Variants in MUC17 observed in about 807,000 individuals in gnomAD.
MUC17 encodes the protein mucin 17, cell surface associated.
MUC17 carries 190 observed loss-of-function variants against 170.3 expected under a neutral mutation model. The ratio of observed to expected loss-of-function variants is 1.12; its 90% CI spans 0.99 to 1.26. The LOEUF is 1.26. Among genes scored for constraint, MUC17 ranks in the 50% most tolerant of loss-of-function variants. MUC17 has a pLI of 0.00. For missense variants in MUC17, 6,415 were observed against 5,530.0 expected (o/e 1.16, Z -5.08); for synonymous variants, 2,325 against 2,002.5 (o/e 1.16, Z -4.30).
Position 101,043,670 on chromosome 7 carries a change from A to AC in MUC17, c.12257dup (p.Glu4087Ter). Reference sequence around the variant, plus strand: ...ACCTCTGCCTCCTCCACGACTGTGAACCCTGAGGCTGTCACCACCATGACC... The same window carrying AC: ...ACCTCTGCCTCCTCCACGACTGTGAACCCCTGAGGCTGTCACCACCATGACC... On this transcript the variant is annotated frameshift_variant, in exon 3 of 13. Coordinates refer to ENST00000306151, the MANE Select transcript of MUC17 (RefSeq NM_001040105.2). LOFTEE classifies it high-confidence loss of function. The AC allele has an allele frequency of 4.3e-6, 7 of 1,614,036 alleles. No individual in the cohort carries two copies. The highest frequency in any genetic ancestry group is 5.9e-6 in the Non-Finnish European group (7 of 1,180,008).
Position 101,039,596 on chromosome 7 carries a change from C to A in MUC17, c.8180C>A (p.Ala2727Asp). 1 of 1,612,698 alleles carries A rather than the reference C, an allele frequency of 6.2e-7. No homozygotes were observed. The highest frequency in any genetic ancestry group is 8.5e-7 in the Non-Finnish European group (1 of 1,179,260). ...ACCAGCACACCTGTCACCACTTCTG[C>A]TGAAGCCAGTTCTTCTCCTACAACT... is the stretch of plus-strand genomic sequence containing the variant. Reference protein sequence around the residue: ...VDTSTPVTTSAEASSSPTTAE... With the variant: ...VDTSTPVTTSDEASSSPTTAE... Residue 2727 changes from alanine to aspartate, a missense_variant, in exon 3 of 13, where the codon GCT becomes GAT. Transcript: ENST00000306151.
At position 101,040,686 on chromosome 7, in the gene MUC17, T is replaced by G. The variant is rs372280786; in HGVS notation, c.9270T>G (p.Ala3090=). 1 of 1,613,162 alleles carries G rather than the reference T, an allele frequency of 6.2e-7. No homozygotes were observed. Among genetic ancestry groups the G allele is most frequent in the Non-Finnish European group, 8.5e-7 (1 of 1,179,776 alleles). Residue 3090 remains alanine (A), a synonymous_variant, in exon 3 of 13, where the codon GCT becomes GCG. Transcript: ENST00000306151. ...STEVSSSPTP[A]EGTSMPISTY... ...AAGTCAGTTCATCTCCTACACCTGC[T>G]GAAGGTACCAGCATGCCAATCTCAA...
chr7:101,055,438 TA>T (rs1355762110), intron 11 of MUC17, among the ~76,000 whole-genome samples: 1 of 152,132 alleles, frequency 6.6e-6, no homozygotes, highest in Non-Finnish European at 1.5e-5. Context: ...TTACTAGGTA[TA>T]AAAATGATCA....
At position 101,032,508 on chromosome 7, in the gene MUC17, T is replaced by A. The variant is rs754606683; in HGVS notation, c.1092T>A (p.Leu364=). The change falls in exon 3 of 13, where the codon CTT becomes CTA. Residue 364 remains leucine, a synonymous_variant. Transcript: ENST00000306151. ...LSITPVDTST[L]VTTSTEPSSL... is the part of the protein sequence containing the mutation. ...TAACTCCTGTTGACACCAGCACACT[T>A]GTGACCACTTCTACTGAACCCAGTT... is the stretch of plus-strand genomic sequence containing the variant. 2.5e-6 allele frequency: 4 copies of A among 1,614,168 alleles called. No homozygotes were observed. The highest frequency in any genetic ancestry group is 3.4e-6 in the Non-Finnish European group (4 of 1,180,018).
Position 101,033,685 on chromosome 7 carries a change from A to G in MUC17, c.2269A>G (p.Thr757Ala), listed in dbSNP as rs201850213. The change falls in exon 3 of 13, where the codon ACG becomes GCG. Residue 757 changes from threonine to alanine, a missense_variant. Transcript: ENST00000306151. The part of the protein sequence containing the change: ...TPLTSMPVSK[T>A]LLTSSEASTL... ...ATTAACAAGTATGCCTGTCAGCAAAACGCTGTTGACCAGTTCTGAGGCTAG... is the reference window on the plus strand; with the variant it reads ...ATTAACAAGTATGCCTGTCAGCAAAGCGCTGTTGACCAGTTCTGAGGCTAG... The G allele has an allele frequency of 5.9e-4, 947 of 1,613,506 alleles. 8 individuals are homozygous for G. Among genetic ancestry groups the G allele is most frequent in the Non-Finnish European group, 1.2e-4 (147 of 1,179,630 alleles).
intron 1 of MUC17, among the ~76,000 whole-genome samples, chr7:101,025,850 T>C (rs1794171039): frequency 1.3e-5 from 2 of 151,178 alleles, no homozygotes; most frequent in African/African-American, 4.9e-5. Context: ...CCCAGCTACT[T>C]GGGAGACTGA....
Position 101,040,388 on chromosome 7 carries a change from G to C in MUC17, c.8972G>C (p.Ser2991Thr). ...GGCGAAAGAAGAACTCCATTAACAA[G>C]TATGTCTGTCAGCACCATGCCGGTG... The part of the protein sequence containing the change: ...TPGERRTPLT[S>T]MSVSTMPVAS... The change falls in exon 3 of 13, where the codon AGT becomes ACT. Residue 2991 changes from serine to threonine, a missense_variant. Transcript: ENST00000306151. The C allele has an allele frequency of 6.2e-7, 1 of 1,612,254 alleles. No homozygotes were observed. Among genetic ancestry groups the C allele is most frequent in the Non-Finnish European group, 8.5e-7 (1 of 1,179,390 alleles).
At chr7:101,053,172 C>T (rs1249359438) in intron 10 of MUC17, 25 bp downstream of exon 10, 24 of 1,608,202 alleles carry the variant, frequency 1.5e-5, no homozygotes, top group Non-Finnish European at 2.0e-5. Flanking sequence ...ACCACCTCCT[C>T]TTCCAACTCC....
rs199683730 is a variant in MUC17, at chr7:101,049,377, G to A, written c.12717G>A (p.Lys4239=). Residue 4239 remains lysine, a synonymous_variant, in exon 6 of 13, where the codon AAG becomes AAA. Transcript: ENST00000306151. ...AGTATGTCGGGGTGAACATCACAAAGCTACGGTAAGTGTCTGGGCCCTTGG... is the reference window on the plus strand; with the variant it reads ...AGTATGTCGGGGTGAACATCACAAAACTACGGTAAGTGTCTGGGCCCTTGG... ...IPEYVGVNIT[K]LRLGSVVVEH... 8.8e-5 allele frequency: 142 copies of A among 1,612,536 alleles called. No individual in the cohort carries two copies. The highest frequency in any genetic ancestry group is 8.6e-5 in the Non-Finnish European group (101 of 1,179,222).
Position 101,058,167 on chromosome 7 carries a change from C to CTTGTTT in MUC17, c.*123_*124insTTGTTT. Reference sequence around the variant, plus strand: ...TCCCATTGTAAGTACAGGAAACAAGCCCTGTACTTACCAAGGAGAAAGAGG... The same window carrying CTTGTTT: ...TCCCATTGTAAGTACAGGAAACAAGCTTGTTTCCTGTACTTACCAAGGAGAAAGAGG... On this transcript the variant is annotated 3_prime_UTR_variant, in exon 13 of 13. Coordinates refer to ENST00000306151, the MANE Select transcript of MUC17 (RefSeq NM_001040105.2). 5.9e-6 allele frequency: 5 copies of CTTGTTT among 854,366 alleles called. No individual in the cohort carries two copies. Among genetic ancestry groups the CTTGTTT allele is most frequent in the Non-Finnish European group, 9.5e-6 (5 of 524,938 alleles). The allele number at this position is 854,366 out of a possible 1,614,324, so 52.9% of individuals were successfully genotyped here. A position where few individuals can be genotyped will look rare whatever the true frequency, so the allele number is the denominator to read the frequency against.
At chr7:101,051,760 C>T (rs747811533) in intron 8 of MUC17, 43 bp from the exon 9 acceptor site, 15 of 1,605,824 alleles carry the variant, frequency 9.3e-6, no homozygotes, top group Non-Finnish European at 1.3e-5. Context: ...GTCCCCCCAG[C>T]CCTCTGATCA....
intron 1 of MUC17, among the ~76,000 whole-genome samples, chr7:101,026,188 A>T (rs1794175835): frequency 6.6e-6 from 1 of 152,204 alleles, no homozygotes; most frequent in African/African-American, 2.4e-5. Context: ...CCTACCGGGC[A>T]CAGTGGAGTG....
chr7:101,039,388 G>C lies in MUC17; in HGVS notation c.7972G>C (p.Val2658Leu). The C allele has an allele frequency of 6.2e-7, 1 of 1,612,208 alleles. No individual in the cohort carries two copies. Among genetic ancestry groups the C allele is most frequent in the South Asian group, 1.1e-5 (1 of 90,912 alleles). The change falls in exon 3 of 13, where the codon GTT becomes CTT. Residue 2658 changes from valine to leucine, a missense_variant. Physicochemically the swap from Val to Leu is conservative, Grantham distance 32 (BLOSUM62 1). Transcript: ENST00000306151. ...GGCTAGCACCCTTTCAACAACTCCT[G>C]TTGACACCAGGACACTTGTGACCAC... ...SEASTLSTTPVDTRTLVTTST... is the reference protein window; with the variant it reads ...SEASTLSTTPLDTRTLVTTST...
chr7:101,034,398 G>T lies in MUC17; in HGVS notation c.2982G>T (p.Leu994=). ...CAAGCACACCTGTCAGCCACACGCT[G>T]GTGGCCAATTCTGAGGCTAGCACCC... The part of the protein sequence containing the change: ...PLTSTPVSHT[L]VANSEASTLS... Residue 994 remains leucine, a synonymous_variant, in exon 3 of 13, where the codon CTG becomes CTT. Coordinates refer to ENST00000306151, the MANE Select transcript of MUC17 (RefSeq NM_001040105.2). 2.5e-6 allele frequency: 4 copies of T among 1,606,764 alleles called. No individual in the cohort carries two copies. The highest frequency in any genetic ancestry group is 3.4e-6 in the Non-Finnish European group (4 of 1,176,448).
At position 101,035,039 on chromosome 7, in the gene MUC17, G is replaced by A; in HGVS notation, c.3623G>A (p.Ser1208Asn). The A allele has an allele frequency of 6.2e-7, 1 of 1,614,098 alleles. No individual in the cohort carries two copies. Among genetic ancestry groups the A allele is most frequent in the Non-Finnish European group, 8.5e-7 (1 of 1,180,014 alleles). ...SSPPPTAEVT[S>N]MPTSTPGERS... The stretch of plus-strand genomic sequence containing the variant: ...CCTCCTCCAACTGCTGAAGTTACCA[G>A]CATGCCAACCTCAACTCCTGGAGAA... Residue 1208 changes from serine (S) to asparagine (N), a missense_variant, in exon 3 of 13, where the codon AGC (serine) becomes AAC (asparagine). Ser to Asn is a conservative substitution (Grantham distance 46). Coordinates refer to ENST00000306151, the MANE Select transcript of MUC17 (RefSeq NM_001040105.2).
chr7:101,047,694 G>A (rs1412782261), intron 3 of MUC17, among the ~76,000 whole-genome samples: 1 of 152,106 alleles, frequency 6.6e-6, no homozygotes, highest in East Asian at 1.9e-4. Context: ...AGCTGGGTGT[G>A]GTGGCACGCG....
rs762782740 is a variant in MUC17 at position 101,051,856 on chromosome 7, C to T, written c.12997C>T (p.Arg4333Trp). The T allele has an allele frequency of 1.2e-5, 20 of 1,614,020 alleles. No homozygotes were observed. Among genetic ancestry groups the T allele is most frequent in the South Asian group, 2.2e-5 (2 of 91,076 alleles). The change falls in exon 9 of 13, where the codon CGG (arginine) becomes TGG (tryptophan). Residue 4333 changes from arginine to tryptophan, a missense_variant. Arg to Trp is a moderately radical substitution (Grantham distance 101, BLOSUM62 -3). Transcript: ENST00000306151. ...EYGDYFVVEY[R>W]DQKPYCISPC... ...TGGAGACTACTTCGTAGTGGAGTAC[C>T]GGGACCAGAAGCCATACTGCATCAG...
rs1348363917 is a variant in MUC17 at position 101,039,515 on chromosome 7, G to T, written c.8099G>T (p.Ser2700Ile). The T allele has an allele frequency of 1.2e-6, 2 of 1,610,324 alleles. No individual in the cohort carries two copies. The highest frequency in any genetic ancestry group is 2.7e-5 in the African/African-American group (2 of 74,514). ...ACTCCATTAACAAATATACTTGTCAGCACCACGCTGTTGGCCAATTCTGAG... is the reference window on the plus strand; with the variant it reads ...ACTCCATTAACAAATATACTTGTCATCACCACGCTGTTGGCCAATTCTGAG... ...RSTPLTNILVSTTLLANSEAS... is the reference protein window; with the variant it reads ...RSTPLTNILVITTLLANSEAS... The change falls in exon 3 of 13, where the codon AGC becomes ATC. Residue 2700 changes from serine to isoleucine, a missense_variant. Physicochemically the swap from Ser to Ile is moderately radical, Grantham distance 142. Coordinates refer to ENST00000306151, the MANE Select transcript of MUC17 (RefSeq NM_001040105.2).
At chr7:101,021,520 C>G (rs931718283) in intron 1 of MUC17, among the ~76,000 whole-genome samples, 2 of 152,034 alleles carry the variant, frequency 1.3e-5, no homozygotes, top group African/African-American at 4.8e-5. Context: ...CCTCCCTTCC[C>G]TCTTCCTGGG....
Sources: allele counts gnomAD v4.1 joint callset (sites outside exome capture counted in the v4.1 genomes callset), GRCh38; gene constraint gnomAD v4.1.1; transcripts MANE v1.5; gene names NCBI Gene and HGNC (gene_info 2026-07-23, HGNC 2026-07-21).